Variants in EVC observed in about 807,000 individuals in gnomAD.
The protein encoded by EVC is evC complex member EVC.
Under a neutral mutation model 118.9 loss-of-function variants are expected in EVC, and 116 were observed. That is an observed-to-expected ratio of 0.98 (90% CI 0.84 to 1.14). The LOEUF (loss-of-function observed/expected upper bound fraction) is 1.14, where lower values mean the gene tolerates loss of function less well. Ranked by LOEUF, EVC falls within the 50% of genes most tolerant of loss-of-function variation. EVC has a pLI of 0.00. For missense variants in EVC, 1,401 were observed against 1,246.4 expected, an observed-to-expected ratio of 1.12 and a Z score of -1.87; for synonymous variants, 619 against 534.7, an observed-to-expected ratio of 1.16 and a Z score of -2.18.
chr4:5,799,724 G>A (rs1237328209), intron 15 of EVC, among the ~76,000 whole-genome samples: 1 of 152,200 alleles, frequency 6.6e-6, no homozygotes, highest in Non-Finnish European at 1.5e-5. Flanking sequence ...CCCTCCAAGG[G>A]GTTCCTTTCA....
intron 12 of EVC, among the ~76,000 whole-genome samples, chr4:5,787,511 A>C (rs1711909877): frequency 6.6e-6 from 1 of 152,172 alleles, no homozygotes; most frequent in Non-Finnish European, 1.5e-5. Flanking sequence ...CCGGGAATGC[A>C]AGTGCCCTCT....
At chr4:5,717,070 A>G (rs1168349319) in intron 1 of EVC, among the ~76,000 whole-genome samples, 3 of 151,922 alleles carry the variant, frequency 2.0e-5, no homozygotes, top group Admixed American at 1.3e-4. Context: ...TTCCTTTTAT[A>G]CGTTTTCTTC....
At position 5,753,983 on chromosome 4, in the gene EVC, CT is replaced by C. The variant is rs776169304; in HGVS notation, c.1464+51del. The C allele has an allele frequency of 4.3e-6, 7 of 1,610,830 alleles. 1 individual carries two copies. The South Asian group carries it at 7.7e-5, about 18-fold the overall frequency. On this transcript the variant is annotated intron_variant, in intron 10 of 20. Coordinates refer to ENST00000264956, the MANE Select transcript of EVC (RefSeq NM_153717.3). Reference sequence around the variant, plus strand: ...ACATGTGGGTGAGCCAGTTGTAGCTCTGTTCCCGTGACTGAGCACGGGACGC... The same window carrying C: ...ACATGTGGGTGAGCCAGTTGTAGCTCGTTCCCGTGACTGAGCACGGGACGC...
downstream of EVC, among the ~76,000 whole-genome samples, chr4:5,816,560 C>G (rs1203384709): frequency 6.6e-6 from 1 of 151,386 alleles, no homozygotes. Flanking sequence ...CTCCTTTCTA[C>G]CCTCTCTTCA....
At chr4:5,807,757 A>T (rs955990870) in intron 17 of EVC, among the ~76,000 whole-genome samples, 6 of 152,148 alleles carry the variant, frequency 3.9e-5, no homozygotes, top group African/African-American at 1.4e-4. Flanking sequence ...AAACTCAGGG[A>T]TGGGTAGCCG....
the EVC span, chr4:5,821,794 G>T: frequency 6.2e-7 from 1 of 1,610,972 alleles, no homozygotes; most frequent in Non-Finnish European, 8.5e-7. This position sits in a 1 kb window ranked among gnomAD's most constrained non-coding sequence, Gnocchi z 4.4. Flanking sequence ...GCGGCCACCA[G>T]GGGGCGCCAC....
chr4:5,777,810 A>C (rs1734930294), intron 11 of EVC, among the ~76,000 whole-genome samples: 1 of 150,292 alleles, frequency 6.7e-6, no homozygotes, highest in South Asian at 2.1e-4. Flanking sequence ...CATTAGGTTG[A>C]ATTAACATTG....
At chr4:5,752,005 A>G (rs59060221) in intron 8 of EVC, among the ~76,000 whole-genome samples, 1 of 152,170 alleles carries the variant, frequency 6.6e-6, no homozygotes, top group Non-Finnish European at 1.5e-5. Flanking sequence ...AACCATCAGC[A>G]TCTCTGAAAG....
rs1490141798 is a variant in EVC at position 5,737,494 on chromosome 4, A to G, written c.702+4059A>G. On this transcript the variant is annotated intron_variant, in intron 5 of 20. Transcript: ENST00000264956. The surrounding 1 kb of genome is among the most constrained non-coding windows in gnomAD (Gnocchi z 5.0). ...CTTCATAGCTAAAGAGGAGAAGTCA[A>G]TACCTGGCTTCAAAGCTTCAAAGAA... Among the ~76,000 whole-genome samples the G allele has an allele frequency of 1.3e-5, 2 of 152,262 alleles. No individual in the cohort carries two copies. The highest frequency in any genetic ancestry group is 4.8e-5 in the African/African-American group (2 of 41,462).
the EVC span, chr4:5,824,888 G>A: frequency 0.059 from 57,825 of 985,330 alleles, 1,872 homozygotes; most frequent in Non-Finnish European, 0.065. Flanking sequence ...ACTGCCCTGA[G>A]ACCTTAAGAA....
rs1395286271 is a variant in EVC at position 5,811,743 on chromosome 4, T to G, written c.*706T>G. On this transcript the variant is annotated 3_prime_UTR_variant, in exon 21 of 21. Coordinates refer to ENST00000264956, the MANE Select transcript of EVC (RefSeq NM_153717.3). Reference sequence around the variant, plus strand: ...GGAGAGAAACTTCCAGACCAGCCCCTCATACCACAGCCAAGAGGGGCCTTT... The same window carrying G: ...GGAGAGAAACTTCCAGACCAGCCCCGCATACCACAGCCAAGAGGGGCCTTT... 1.4e-5 allele frequency: 2 copies of G among 143,886 alleles called. 1 individual carries two copies. Among genetic ancestry groups the G allele is most frequent in the Non-Finnish European group, 3.0e-5 (2 of 67,134 alleles). The allele number at this position is 143,886 out of a possible 1,614,324, so 8.9% of individuals were successfully genotyped here.
the EVC span, chr4:5,821,713 A>G: frequency 6.6e-7 from 1 of 1,523,800 alleles, no homozygotes; most frequent in Non-Finnish European, 9.0e-7. This position sits in a 1 kb window ranked among gnomAD's most constrained non-coding sequence, Gnocchi z 4.4. Context: ...AAAGGGATGG[A>G]CATGATTCCC....
chr4:5,793,031 C>T (rs1387819405), intron 12 of EVC, among the ~76,000 whole-genome samples: 1 of 152,132 alleles, frequency 6.6e-6, no homozygotes, highest in Non-Finnish European at 1.5e-5. Flanking sequence ...TTCCCCTAAA[C>T]TTGACCAGCT....
rs1726898140 is a variant in EVC at position 5,731,965 on chromosome 4, G to T, written c.617+308G>T. On this transcript the variant is annotated intron_variant, in intron 4 of 20. Transcript: ENST00000264956. This position sits in a 1 kb window ranked among gnomAD's most constrained non-coding sequence, Gnocchi z 5.6. ...TTAAGTGGGTACTTCTGAGTACCGG[G>T]CAGAGTGCTAAGCACTTTACAGGGA... Among the ~76,000 whole-genome samples, 1 of 142,284 alleles carries T rather than the reference G, an allele frequency of 7.0e-6. No homozygotes were observed. The highest frequency in any genetic ancestry group is 1.6e-5 in the Non-Finnish European group (1 of 61,634). The allele number at this position is 142,284 out of a possible 152,430, so 93.3% of individuals were successfully genotyped here. A position where few individuals can be genotyped will look rare whatever the true frequency, so the allele number is the denominator to read the frequency against.
In EVC at chr4:5,745,045, T is replaced by G. The variant is rs1577406207; in HGVS notation, c.802-159T>G. On this transcript the variant is annotated intron_variant, in intron 6 of 20. Transcript: ENST00000264956. ...TGAGGCTCTATGTTTAATGAGAAAATGGGTCAAACCTCATGTACAACAACC... is the reference window on the plus strand; with the variant it reads ...TGAGGCTCTATGTTTAATGAGAAAAGGGGTCAAACCTCATGTACAACAACC... Among the ~76,000 whole-genome samples the G allele has an allele frequency of 2.7e-5, 4 of 150,586 alleles. No homozygotes were observed. The South Asian group carries it at 8.4e-4, about 32-fold the overall frequency.
At chr4:5,769,419 C>A (rs775586113) in intron 11 of EVC, among the ~76,000 whole-genome samples, 37 of 152,170 alleles carry the variant, frequency 2.4e-4, no homozygotes, top group African/African-American at 8.5e-4. Context: ...CACAGCTAAA[C>A]CATATCATAA....
downstream of EVC, among the ~76,000 whole-genome samples, chr4:5,819,122 C>T (rs1718105515): frequency 6.6e-6 from 1 of 152,130 alleles, no homozygotes; most frequent in Admixed American, 6.5e-5. Flanking sequence ...TCAGTCCTAC[C>T]TTATATTGTA....
intron 3 of EVC, among the ~76,000 whole-genome samples, chr4:5,730,872 T>C (rs957896685): frequency 1.3e-5 from 2 of 151,882 alleles, no homozygotes; most frequent in African/African-American, 4.8e-5. Context: ...CTGGGCCCTC[T>C]AGCCATGCCA....
rs1249295083 is a variant in EVC, at chr4:5,756,442, G to A, written c.1563+80G>A. Reference sequence around the variant, plus strand: ...AGAACCTCACATCCTCCTGGCTGGGGACCCCAGAGGTGGTTCAGGTCCAAC... The same window carrying A: ...AGAACCTCACATCCTCCTGGCTGGGAACCCCAGAGGTGGTTCAGGTCCAAC... On this transcript the variant is annotated intron_variant, in intron 11 of 20. Coordinates refer to ENST00000264956, the MANE Select transcript of EVC (RefSeq NM_153717.3). The surrounding 1 kb of genome is among the most constrained non-coding windows in gnomAD (Gnocchi z 4.2). 2.4e-6 allele frequency: 3 copies of A among 1,266,348 alleles called. No homozygotes were observed. The Admixed American group carries it at 5.9e-5, about 25-fold the overall frequency. 78.4% of individuals were successfully genotyped at this position (1,266,348 alleles called of 1,614,324 possible). A position where few individuals can be genotyped will look rare whatever the true frequency, so the allele number is the denominator to read the frequency against.
Sources: allele counts gnomAD v4.1 joint callset (sites outside exome capture counted in the v4.1 genomes callset), GRCh38; gene constraint gnomAD v4.1.1; non-coding constraint Gnocchi (gnomAD v3.1); transcripts MANE v1.5; gene names NCBI Gene and HGNC (gene_info 2026-07-23, HGNC 2026-07-21).